EDC3: variants seen among roughly 807,000 people sequenced by gnomAD.
EDC3 encodes enhancer of mRNA decapping 3.
In EDC3, 20 loss-of-function variants were observed where a neutral mutation model predicts 41.8. The observed-to-expected ratio is 0.48, with a 90% CI of 0.34 to 0.70. The LOEUF is 0.70. Ranked by LOEUF, EDC3 falls within the 30% of genes least tolerant of loss-of-function variation. The probability of loss-of-function intolerance (pLI) is 0.01; values close to 1 mark genes in which losing one functional copy is unlikely to be tolerated. For missense variants in EDC3, 444 were observed against 636.8 expected, an observed-to-expected ratio of 0.70 and a Z score of 3.26; for synonymous variants, 206 against 243.2, an observed-to-expected ratio of 0.85 and a Z score of 1.42.
At chr15:74,679,595 A>G (rs2062845472) in intron 1 of EDC3, among the ~76,000 whole-genome samples, 4 of 152,038 alleles carry the variant, frequency 2.6e-5, no homozygotes, top group Admixed American at 2.6e-4. Flanking sequence ...ATGTAAACAT[A>G]AAATTCCTTA....
Position 74,671,185 on chromosome 15 carries a change from C to T in EDC3, c.484+270G>A, listed in dbSNP as rs2062733814. ...CCAGTAGTTCCTGGATTTAAAACAT[C>T]ACTGTTAGTAAACTCTGGGCAGACT... On this transcript the variant is annotated intron_variant, in intron 3 of 6. Coordinates refer to ENST00000315127, the MANE Select transcript of EDC3 (RefSeq NM_025083.5). The surrounding 1 kb of genome is among the most constrained non-coding windows in gnomAD (Gnocchi z 4.6). Among the ~76,000 whole-genome samples, 1 of 152,164 alleles carries T rather than the reference C, an allele frequency of 6.6e-6. No individual in the cohort carries two copies.
intron 2 of EDC3, among the ~76,000 whole-genome samples, chr15:74,673,780 C>T (rs2062768787): frequency 6.8e-6 from 1 of 147,652 alleles, no homozygotes; most frequent in South Asian, 2.1e-4. Context: ...ATGGAGTTTG[C>T]AGTGAGCCAA....
At chr15:74,682,213 T>G (rs1026641685) in intron 1 of EDC3, among the ~76,000 whole-genome samples, 2 of 152,126 alleles carry the variant, frequency 1.3e-5, no homozygotes, top group African/African-American at 4.8e-5. Flanking sequence ...TCCCAGCTAT[T>G]TGAGTGGCTA....
intron 3 of EDC3, among the ~76,000 whole-genome samples, chr15:74,663,975 T>A (rs1388797693): frequency 1.3e-5 from 2 of 152,100 alleles, no homozygotes; most frequent in Non-Finnish European, 2.9e-5. Flanking sequence ...AACCCAGAGA[T>A]GTTGTATGAA....
chr15:74,646,500 C>T (rs1482198741), intron 4 of EDC3, among the ~76,000 whole-genome samples: 1 of 152,238 alleles, frequency 6.6e-6, no homozygotes, highest in East Asian at 1.9e-4. Flanking sequence ...TCAGGAGCTA[C>T]AGGTAGGAGA....
Position 74,665,369 on chromosome 15 carries a change from TTAAC to T in EDC3, c.484+6082_484+6085del, listed in dbSNP as rs1304810550. ...GTTCTACAGGCAAAAGAGCCTTAAC[TTAAC>T]TGTTAAATTTTTATTCAACTGCATG... is the stretch of plus-strand genomic sequence containing the variant. On this transcript the variant is annotated intron_variant, in intron 3 of 6. Coordinates refer to ENST00000315127, the MANE Select transcript of EDC3 (RefSeq NM_025083.5). Among the ~76,000 whole-genome samples, 3 of 152,306 alleles carry T rather than the reference TTAAC, an allele frequency of 2.0e-5. No homozygotes were observed. The East Asian group carries it at 5.8e-4, about 29-fold the overall frequency.
intron 4 of EDC3, among the ~76,000 whole-genome samples, chr15:74,654,572 A>T (rs2062522374): frequency 6.6e-6 from 1 of 152,198 alleles, no homozygotes; most frequent in Non-Finnish European, 1.5e-5. Flanking sequence ...GGCAAGTTAC[A>T]GTGTCACTGT....
intron 1 of EDC3, chr15:74,692,747 CTT>C (rs1434012894): frequency 1.3e-5 from 2 of 152,076 alleles, no homozygotes; most frequent in East Asian, 1.9e-4. Flanking sequence ...TTCTTACAGT[CTT>C]TGTTTCAAAA....
intron 1 of EDC3, among the ~76,000 whole-genome samples, chr15:74,693,986 C>CAA (rs879928519): frequency 4.3e-5 from 6 of 140,388 alleles, no homozygotes; most frequent in African/African-American, 1.6e-4. Flanking sequence ...GACTCCATCT[C>CAA]AAAAAAAAAA....
intron 4 of EDC3, among the ~76,000 whole-genome samples, chr15:74,654,824 C>T (rs1004938511): frequency 2.0e-5 from 3 of 152,114 alleles, no homozygotes; most frequent in Non-Finnish European, 2.9e-5. Context: ...CCTCCAAATG[C>T]AATTAGCTGC....
chr15:74,685,915 G>A (rs1386019940), intron 1 of EDC3, among the ~76,000 whole-genome samples: 2 of 152,244 alleles, frequency 1.3e-5, no homozygotes, highest in African/African-American at 4.8e-5. Flanking sequence ...TGTCCTGACT[G>A]AGTGTGGGGG....
chr15:74,662,935 G>A (rs2062636657), intron 3 of EDC3, among the ~76,000 whole-genome samples: 3 of 152,186 alleles, frequency 2.0e-5, no homozygotes, highest in African/African-American at 7.2e-5. Flanking sequence ...CTGAAGGCAG[G>A]TCAGACTTGC....
intron 1 of EDC3, among the ~76,000 whole-genome samples, chr15:74,693,740 T>C (rs2063034263): frequency 6.6e-6 from 1 of 152,078 alleles, no homozygotes; most frequent in Non-Finnish European, 1.5e-5. Context: ...TCCCAGCACT[T>C]TGGGAGGCTG....
At chr15:74,686,692 AC>A (rs1267254196) in intron 1 of EDC3, among the ~76,000 whole-genome samples, 1 of 151,910 alleles carries the variant, frequency 6.6e-6, no homozygotes, top group Non-Finnish European at 1.5e-5. Context: ...AGGTGGGAAA[AC>A]CACTTGAACC....
intron 4 of EDC3, among the ~76,000 whole-genome samples, chr15:74,655,320 C>T (rs1374221414): frequency 6.6e-6 from 1 of 152,226 alleles, no homozygotes; most frequent in Non-Finnish European, 1.5e-5. Flanking sequence ...TGATTCCAAT[C>T]ATCCATCTTC....
intron 1 of EDC3, among the ~76,000 whole-genome samples, chr15:74,682,688 G>T (rs896967245): frequency 6.6e-6 from 1 of 151,394 alleles, no homozygotes; most frequent in Admixed American, 6.6e-5. Context: ...TGCACTTCTG[G>T]TCATTTATCC....
intron 3 of EDC3, among the ~76,000 whole-genome samples, chr15:74,669,610 A>G (rs2062716907): frequency 6.6e-6 from 1 of 152,122 alleles, no homozygotes; most frequent in Admixed American, 6.6e-5. Flanking sequence ...GTGTCACACC[A>G]CAAGCTACTA....
chr15:74,687,318 C>G (rs994699260), intron 1 of EDC3: 23 of 152,306 alleles, frequency 1.5e-4, no homozygotes, highest in African/African-American at 4.6e-4. Context: ...ACTATGCGGA[C>G]AGAACCGAAG....
At chr15:74,694,232 G>T (rs1407590553) in intron 1 of EDC3, among the ~76,000 whole-genome samples, 1 of 152,102 alleles carries the variant, frequency 6.6e-6, no homozygotes, top group African/African-American at 2.4e-5. Flanking sequence ...GTTTTTCTTA[G>T]ACAGAGTCTT....
Sources: gnomAD v4.1 joint callset for allele counts (sites outside exome capture counted in the v4.1 genomes callset) on GRCh38, gnomAD v4.1.1 for gene constraint, Gnocchi (gnomAD v3.1) non-coding constraint, MANE v1.5 for transcripts, NCBI Gene and HGNC (gene_info 2026-07-23, HGNC 2026-07-21) for gene names.